Variants in ZNF267 observed in about 807,000 individuals in gnomAD.
The protein encoded by ZNF267 is zinc finger (C2H2).
ZNF267 carries 61 observed loss-of-function variants against 71.6 expected under a neutral mutation model. That is an observed-to-expected ratio of 0.85 (90% CI 0.69 to 1.05). The LOEUF (loss-of-function observed/expected upper bound fraction) is 1.05. ZNF267 is among the 50% of genes least tolerant of loss of function. The pLI, the probability that ZNF267 is intolerant of heterozygous loss-of-function variation, is 0.00. For synonymous variants in ZNF267, 288 were observed against 293.2 expected (o/e 0.98, Z 0.18); for missense variants, 852 against 870.0 (o/e 0.98, Z 0.26).
intron 3 of ZNF267, 59 bp from the exon 4 acceptor site, chr16:31,914,417 G>A: frequency 7.1e-7 from 1 of 1,409,956 alleles, no homozygotes; most frequent in Non-Finnish European, 9.5e-7. Context: ...TATTAGATTT[G>A]TAAAATATAT....
At position 31,915,849 on chromosome 16, in the gene ZNF267, A is replaced by G; in HGVS notation, c.1600A>G (p.Asn534Asp). The change falls in exon 4 of 4, where the codon AAT (asparagine) becomes GAT (aspartate). Residue 534 changes from asparagine to aspartate, a missense_variant. Transcript: ENST00000300870. ...VCAKPFTCFS[N>D]LIVHERIHTG... ...TGCTAAACCTTTTACTTGTTTCTCAAATCTTATTGTGCATGAGAGAATTCA... is the reference window on the plus strand; with the variant it reads ...TGCTAAACCTTTTACTTGTTTCTCAGATCTTATTGTGCATGAGAGAATTCA... The G allele has an allele frequency of 1.2e-6, 2 of 1,613,616 alleles. No homozygotes were observed. Among genetic ancestry groups the G allele is most frequent in the Non-Finnish European group, 1.7e-6 (2 of 1,179,978 alleles).
intron 3 of ZNF267, among the ~76,000 whole-genome samples, chr16:31,908,107 G>A (rs2084106830): frequency 1.3e-5 from 2 of 151,980 alleles, no homozygotes; most frequent in South Asian, 4.2e-4. Context: ...GTAGTTTTAG[G>A]TACTCAGGAA....
In ZNF267 at chr16:31,916,634, G is replaced by GA. The variant is rs1183971370; in HGVS notation, c.*159dup. The GA allele has an allele frequency of 3.8e-6, 3 of 784,846 alleles. No individual in the cohort carries two copies. Among genetic ancestry groups the GA allele is most frequent in the South Asian group, 4.0e-5 (2 of 49,632 alleles). 48.6% of individuals were successfully genotyped at this position (784,846 alleles called of 1,614,324 possible). A position where few individuals can be genotyped will look rare whatever the true frequency, so the allele number is the denominator to read the frequency against. ...TACACAATAGCAGAGAATATAAACT[G>GA]AAAAAATCCATACAAATATTAAAAA... On this transcript the variant is annotated 3_prime_UTR_variant, in exon 4 of 4. Coordinates refer to ENST00000300870, the MANE Select transcript of ZNF267 (RefSeq NM_003414.6).
chr16:31,915,279 C>T lies in ZNF267; in HGVS notation c.1030C>T (p.Pro344Ser), dbSNP rs368054361. The change falls in exon 4 of 4, where the codon CCT becomes TCT. Residue 344 changes from proline (P) to serine (S), a missense_variant. Coordinates refer to ENST00000300870, the MANE Select transcript of ZNF267 (RefSeq NM_003414.6). Reference protein sequence around the residue: ...SLHLTQHQIIPTEEKPCKWKE... With the variant: ...SLHLTQHQIISTEEKPCKWKE... The stretch of plus-strand genomic sequence containing the variant: ...GCACCTTACTCAACATCAGATCATT[C>T]CTACCGAAGAGAAACCCTGTAAATG... The T allele has an allele frequency of 6.2e-7, 1 of 1,613,834 alleles. No individual in the cohort carries two copies. Among genetic ancestry groups the T allele is most frequent in the African/African-American group, 1.3e-5 (1 of 74,926 alleles).
intron 3 of ZNF267, among the ~76,000 whole-genome samples, chr16:31,905,685 G>A (rs545763407): frequency 1.3e-4 from 20 of 152,144 alleles, no homozygotes; most frequent in South Asian, 1.0e-3. Flanking sequence ...TTAGCCATTC[G>A]TCTAATTTTT....
chr16:31,878,700 C>A (rs1313878120), intron 1 of ZNF267, among the ~76,000 whole-genome samples: 1 of 152,238 alleles, frequency 6.6e-6, no homozygotes, highest in African/African-American at 2.4e-5. Flanking sequence ...CAACTTGGTA[C>A]TGCCCCCTGC....
rs778534337 is a variant in ZNF267, at chr16:31,884,598, A to G, written c.104A>G (p.Glu35Gly). Reference protein sequence around the residue: ...QKNLYQDVMLENYRNLVSLGL... With the variant: ...QKNLYQDVMLGNYRNLVSLGL... ...AATTTGTATCAGGATGTGATGTTAG[A>G]AAACTACAGAAACCTGGTCTCTCTG... Residue 35 changes from glutamate to glycine, a missense_variant, in exon 2 of 4, where the codon GAA becomes GGA. Glu to Gly is a moderately conservative substitution (Grantham distance 98). Transcript: ENST00000300870. 6 of 1,614,154 alleles carry G rather than the reference A, an allele frequency of 3.7e-6. No individual in the cohort carries two copies. The East Asian group carries it at 1.1e-4, about 30-fold the overall frequency.
chr16:31,893,112 G>A (rs759924019), intron 3 of ZNF267, among the ~76,000 whole-genome samples: 5 of 152,196 alleles, frequency 3.3e-5, no homozygotes, highest in Admixed American at 6.5e-5. Context: ...AAATCTAAAC[G>A]GGGGTTCCCA....
chr16:31,895,167 G>A (rs2083989081), intron 3 of ZNF267, among the ~76,000 whole-genome samples: 2 of 152,230 alleles, frequency 1.3e-5, no homozygotes, highest in Admixed American at 1.3e-4. Flanking sequence ...CTCTGGGTGA[G>A]CTCGGGAGCT....
Position 31,916,452 on chromosome 16 carries a change from C to G in ZNF267, c.2203C>G (p.Gln735Glu), listed in dbSNP as rs201313420. The change falls in exon 4 of 4, where the codon CAG becomes GAG. Residue 735 changes from glutamine (Q) to glutamate (E), a missense_variant. Physicochemically the swap from Gln to Glu is conservative, Grantham distance 29. Transcript: ENST00000300870. ...FNSRSYLIAH[Q>E]RSHTREKL ...CTCTAGGTCATACCTCATTGCACATCAGAGAAGTCATACTAGAGAAAAACT... is the reference window on the plus strand; with the variant it reads ...CTCTAGGTCATACCTCATTGCACATGAGAGAAGTCATACTAGAGAAAAACT... The G allele has an allele frequency of 6.8e-6, 11 of 1,612,570 alleles. No individual in the cohort carries two copies. Among genetic ancestry groups the G allele is most frequent in the African/African-American group, 1.3e-5 (1 of 74,848 alleles).
intron 3 of ZNF267, among the ~76,000 whole-genome samples, chr16:31,900,169 AAG>A (rs1474415689): frequency 6.6e-6 from 1 of 152,060 alleles, no homozygotes; most frequent in African/African-American, 2.4e-5. Context: ...TTAAAAAAAA[AAG>A]AGAGCCATAC....
intron 3 of ZNF267, among the ~76,000 whole-genome samples, chr16:31,906,426 C>T (rs1477272216): frequency 6.6e-6 from 1 of 152,192 alleles, no homozygotes; most frequent in Admixed American, 6.5e-5. Flanking sequence ...GGGCTCCACC[C>T]AGTTGGAGCT....
intron 2 of ZNF267, 39 bp from the exon 3 acceptor site, chr16:31,885,121 AC>A (rs760111182): frequency 6.7e-7 from 1 of 1,499,940 alleles, no homozygotes; most frequent in Non-Finnish European, 9.0e-7. Flanking sequence ...AATAAAAAGA[AC>A]CCTCATTAAG....
In ZNF267 at chr16:31,889,621, C is replaced by T. The variant is rs886475541; in HGVS notation, c.226+4365C>T. Among the ~76,000 whole-genome samples, 10 of 152,134 alleles carry T rather than the reference C, an allele frequency of 6.6e-5. No homozygotes were observed. The East Asian group carries it at 1.9e-3, about 29-fold the overall frequency. ...CTGCAGTCTGTACAGAAGCATGGCACCAGCATCTGCTTGGCTTCTGGCGAG... is the reference window on the plus strand; with the variant it reads ...CTGCAGTCTGTACAGAAGCATGGCATCAGCATCTGCTTGGCTTCTGGCGAG... On this transcript the variant is annotated intron_variant, in intron 3 of 3. Transcript: ENST00000300870.
chr16:31,906,879 A>G (rs1467703229), intron 3 of ZNF267, among the ~76,000 whole-genome samples: 1 of 151,892 alleles, frequency 6.6e-6, no homozygotes, highest in Non-Finnish European at 1.5e-5. Context: ...TCAGGCTGGG[A>G]GCTGTAGACT....
intron 1 of ZNF267, chr16:31,875,322 C>T: frequency 2.3e-6 from 3 of 1,286,696 alleles, no homozygotes; most frequent in East Asian, 5.6e-5. Context: ...TGTAGTCCCT[C>T]AGGGGAGCAG....
chr16:31,911,288 AATT>A (rs1487404095), intron 3 of ZNF267, among the ~76,000 whole-genome samples: 1 of 151,672 alleles, frequency 6.6e-6, no homozygotes, highest in Non-Finnish European at 1.5e-5. Context: ...TTGAAGTCTC[AATT>A]ATTATTGTAT....
chr16:31,878,447 G>A (rs572814380), intron 1 of ZNF267, among the ~76,000 whole-genome samples: 1 of 152,240 alleles, frequency 6.6e-6, no homozygotes, highest in East Asian at 1.9e-4. Flanking sequence ...AGGCTTGACT[G>A]TCAGGAATTG....
chr16:31,884,475 T>C (rs373459378), intron 1 of ZNF267, 23 bp from the exon 2 acceptor site: 48 of 1,613,766 alleles, frequency 3.0e-5, no homozygotes, highest in Admixed American at 5.0e-5. Context: ...ACATGGTCAG[T>C]GTATTCTTTA....
Sources: allele counts gnomAD v4.1 joint callset (sites outside exome capture counted in the v4.1 genomes callset), GRCh38; gene constraint gnomAD v4.1.1; transcripts MANE v1.5; gene names NCBI Gene and HGNC (gene_info 2026-07-23, HGNC 2026-07-21).